PTPRN: variants seen among roughly 807,000 people sequenced by gnomAD.
PTPRN encodes the protein receptor-type tyrosine-protein phosphatase-like N.
In PTPRN, 70 loss-of-function variants were observed where a neutral mutation model predicts 108.5. The observed-to-expected ratio is 0.65, with a 90% confidence interval of 0.53 to 0.79. The LOEUF (loss-of-function observed/expected upper bound fraction) is 0.79, where lower values mean the gene tolerates loss of function less well. Among genes scored for constraint, PTPRN ranks in the 30% least tolerant of loss-of-function variants. PTPRN has a pLI of 0.00. For missense variants in PTPRN, 1,136 were observed against 1,295.5 expected (o/e 0.88, Z 1.89); for synonymous variants, 496 against 524.6 (o/e 0.95, Z 0.75).
Position 219,296,339 on chromosome 2 carries a change from A to C in PTPRN, c.2395T>G (p.Trp799Gly). The C allele has an allele frequency of 1.2e-6, 2 of 1,614,078 alleles. No homozygotes were observed. The highest frequency in any genetic ancestry group is 1.7e-6 in the Non-Finnish European group (2 of 1,180,012). ...ACGATGACGGTGCAGCCGCTCTCCC[A>C]CACCATCTAGGGACAGAGACCCAGT... The part of the protein sequence containing the change: ...HTIADFWQMV[W>G]ESGCTVIVML... Residue 799 changes from tryptophan to glycine, a missense_variant, in exon 18 of 23, where the codon TGG (tryptophan) becomes GGG (glycine). Trp to Gly is a radical substitution (Grantham distance 184, BLOSUM62 -2). Coordinates refer to ENST00000295718, the MANE Select transcript of PTPRN (RefSeq NM_002846.4). The surrounding 1 kb of genome is among the most constrained non-coding windows in gnomAD (Gnocchi z 6.0).
chr2:219,308,699 T>A (rs750687404), intron 1 of PTPRN, among the ~76,000 whole-genome samples: 3 of 151,814 alleles, frequency 2.0e-5, no homozygotes, highest in Non-Finnish European at 2.9e-5. Context: ...CCCCGTGCTG[T>A]CCCCCGTTAC....
Position 219,290,698 on chromosome 2 carries a change from G to A in PTPRN, c.2795-87C>T, listed in dbSNP as rs542437980. On this transcript the variant is annotated intron_variant, in intron 21 of 22. Transcript: ENST00000295718. This position sits in a 1 kb window ranked among gnomAD's most constrained non-coding sequence, Gnocchi z 4.2. The stretch of plus-strand genomic sequence containing the variant: ...AAACCTGAGGCCTCCTGGAGGCAAA[G>A]AGCCTTGGAGGGCTGGGCAGAGCCT... The A allele has an allele frequency of 5.7e-5, 85 of 1,483,398 alleles. No homozygotes were observed. In the African/African-American group the frequency reaches 9.5e-4, roughly 17 times the overall value. 91.9% of individuals were successfully genotyped at this position (1,483,398 alleles called of 1,614,324 possible). A position where few individuals can be genotyped will look rare whatever the true frequency, so the allele number is the denominator to read the frequency against.
At position 219,309,389 on chromosome 2, in the gene PTPRN, G is replaced by T; in HGVS notation, c.-57C>A. The T allele has an allele frequency of 1.1e-6, 1 of 948,174 alleles. No individual in the cohort carries two copies. Among genetic ancestry groups the T allele is most frequent in the Non-Finnish European group, 1.5e-6 (1 of 677,634 alleles). 58.7% of individuals were successfully genotyped at this position (948,174 alleles called of 1,614,324 possible). The stretch of plus-strand genomic sequence containing the variant: ...CGGAGCCGCAGCGACGCTGGCGGGA[G>T]CCTGCCAGAGGGGCTGAGGCGGGGC... On this transcript the variant is annotated 5_prime_UTR_variant, in exon 1 of 23. Coordinates refer to ENST00000295718, the MANE Select transcript of PTPRN (RefSeq NM_002846.4).
rs757064542 is a variant in PTPRN, at chr2:219,304,174, C to T, written c.281-343G>A. ...TAAAATAACACATATACATATCAAA[C>T]GGTTAGAATAGTGCCTGTCATGTAG... On this transcript the variant is annotated intron_variant, in intron 3 of 22. Transcript: ENST00000295718. 9 of 168,170 alleles carry T rather than the reference C, an allele frequency of 5.4e-5. No homozygotes were observed. In the East Asian group the frequency reaches 8.8e-4, roughly 16 times the overall value. The allele number at this position is 168,170 out of a possible 1,614,324, so 10.4% of individuals were successfully genotyped here.
chr2:219,294,145 C>A, intron 19 of PTPRN: 1 of 530,976 alleles, frequency 1.9e-6, no homozygotes, highest in Non-Finnish European at 3.9e-6. Context: ...TGTGACTATG[C>A]AACTGGAGTG....
intron 4 of PTPRN, 90 bp downstream of exon 4, chr2:219,303,645 C>T: frequency 7.9e-7 from 1 of 1,258,774 alleles, no homozygotes; most frequent in Non-Finnish European, 1.1e-6. Context: ...GGCCTTGGTG[C>T]CCACTTCCTT....
chr2:219,292,906 T>A (rs1952083308), intron 19 of PTPRN: 1 of 152,198 alleles, frequency 6.6e-6, no homozygotes, highest in South Asian at 2.1e-4. Flanking sequence ...GAGCTCCTTA[T>A]GAGAATCTAA....
intron 8 of PTPRN, among the ~76,000 whole-genome samples, chr2:219,300,738 T>A (rs1056571192): frequency 6.6e-6 from 1 of 152,164 alleles, no homozygotes; most frequent in Non-Finnish European, 1.5e-5. Context: ...GAGGAATGAA[T>A]TAAGAATTCA....
chr2:219,301,222 T>C (rs1388274867), intron 7 of PTPRN, among the ~76,000 whole-genome samples: 1 of 152,218 alleles, frequency 6.6e-6, no homozygotes, highest in Non-Finnish European at 1.5e-5. Context: ...CTCAAAGCTA[T>C]TCTTTGTTCA....
intron 10 of PTPRN, 147 bp from the exon 11 acceptor site, chr2:219,299,531 C>T: frequency 8.7e-7 from 1 of 1,144,926 alleles, no homozygotes; most frequent in Non-Finnish European, 1.3e-6. Context: ...AAGGAAGATG[C>T]TGGGTGGGGC....
rs371695223 is a variant in PTPRN, at chr2:219,290,271, G to A, written c.2895C>T (p.Ala965=). The A allele has an allele frequency of 3.7e-6, 6 of 1,613,806 alleles. No individual in the cohort carries two copies. The highest frequency in any genetic ancestry group is 1.6e-4 in the Middle Eastern group (1 of 6,078). The change falls in exon 23 of 23, where the codon GCC becomes GCT. Residue 965 remains alanine, a synonymous_variant. Coordinates refer to ENST00000295718, the MANE Select transcript of PTPRN (RefSeq NM_002846.4). This position sits in a 1 kb window ranked among gnomAD's most constrained non-coding sequence, Gnocchi z 4.2. ...SKDQFEFALT[A]VAEEVNAILK... ...GGATGGCATTCACTTCCTCCGCCAC[G>A]GCTGTCAGGGCAAATTCAAACTGGT...
At position 219,302,285 on chromosome 2, in the gene PTPRN, G is replaced by A; in HGVS notation, c.846C>T (p.Ala282=). The A allele has an allele frequency of 6.2e-7, 1 of 1,614,156 alleles. No individual in the cohort carries two copies. Among genetic ancestry groups the A allele is most frequent in the Non-Finnish European group, 8.5e-7 (1 of 1,180,018 alleles). The part of the protein sequence containing the change: ...LFQDSGLLYL[A]QELPAPSRAR... ...CCCTGCTGGGTGCTGGCAACTCCTG[G>A]GCCAGATAGAGCAGCCCAGAGTCTT... is the stretch of plus-strand genomic sequence containing the variant. The change falls in exon 6 of 23, where the codon GCC becomes GCT. Residue 282 remains alanine (A), a synonymous_variant. Coordinates refer to ENST00000295718, the MANE Select transcript of PTPRN (RefSeq NM_002846.4).
rs185461366 is a variant in PTPRN, at chr2:219,298,955, C to G, written c.1668+92G>C. ...GCCAGCCGTGCCTACGGACACGTTTCGGCTCCAGTTCTCCCCTCTGGTTTG... is the reference window on the plus strand; with the variant it reads ...GCCAGCCGTGCCTACGGACACGTTTGGGCTCCAGTTCTCCCCTCTGGTTTG... On this transcript the variant is annotated intron_variant, in intron 12 of 22. Coordinates refer to ENST00000295718, the MANE Select transcript of PTPRN (RefSeq NM_002846.4). 2.0e-4 allele frequency: 287 copies of G among 1,468,926 alleles called. 1 individual carries two copies. Among genetic ancestry groups the G allele is most frequent in the East Asian group, 6.1e-4 (27 of 43,940 alleles). 91.0% of individuals were successfully genotyped at this position (1,468,926 alleles called of 1,614,324 possible).
chr2:219,291,399 C>G (rs1167629439), intron 20 of PTPRN, 71 bp downstream of exon 20: 2 of 1,522,864 alleles, frequency 1.3e-6, no homozygotes, highest in East Asian at 2.3e-5. Flanking sequence ...ACCAAGGGGA[C>G]AGGCAGGCAA....
rs1366646039 is a variant in PTPRN, at chr2:219,290,379, G to A, written c.2869-82C>T. 1.9e-5 allele frequency: 24 copies of A among 1,257,080 alleles called. No homozygotes were observed. Among genetic ancestry groups the A allele is most frequent in the South Asian group, 3.7e-5 (3 of 80,150 alleles). The allele number at this position is 1,257,080 out of a possible 1,614,324, so 77.9% of individuals were successfully genotyped here. ...CAAGATGGGGGGCTTTTGGTGGGGG[G>A]AGGGCCCTGGGCAGGTCCCCTGGGA... On this transcript the variant is annotated intron_variant, in intron 22 of 22. Coordinates refer to ENST00000295718, the MANE Select transcript of PTPRN (RefSeq NM_002846.4). The surrounding 1 kb of genome is among the most constrained non-coding windows in gnomAD (Gnocchi z 4.2).
At chr2:219,306,008 G>A (rs965839487) in intron 3 of PTPRN, among the ~76,000 whole-genome samples, 10 of 152,066 alleles carry the variant, frequency 6.6e-5, no homozygotes, top group Admixed American at 6.6e-4. Context: ...AAATTAGCCA[G>A]GCATGGTGGC....
At position 219,290,239 on chromosome 2, in the gene PTPRN, G is replaced by A; in HGVS notation, c.2927C>T (p.Ala976Val). The A allele has an allele frequency of 6.2e-7, 1 of 1,614,042 alleles. No homozygotes were observed. ...VAEEVNAILK[A>V]LPQ ...GGCCCCAGGGTCTCACTGGGGCAGG[G>A]CCTTGAGGATGGCATTCACTTCCTC... The change falls in exon 23 of 23, where the codon GCC becomes GTC. Residue 976 changes from alanine (A) to valine (V), a missense_variant. Ala to Val is a moderately conservative substitution (Grantham distance 64, BLOSUM62 0). Coordinates refer to ENST00000295718, the MANE Select transcript of PTPRN (RefSeq NM_002846.4). This position sits in a 1 kb window ranked among gnomAD's most constrained non-coding sequence, Gnocchi z 4.2.
Position 219,297,483 on chromosome 2 carries a change from A to ACAGGGCCCAGAGTTGAACC in PTPRN, c.1888-51_1888-50insGGTTCAACTCTGGGCCCTG. 1.3e-6 allele frequency: 2 copies of ACAGGGCCCAGAGTTGAACC among 1,578,464 alleles called. No individual in the cohort carries two copies. The highest frequency in any genetic ancestry group is 1.7e-6 in the Non-Finnish European group (2 of 1,150,454). On this transcript the variant is annotated intron_variant, in intron 13 of 22. Coordinates refer to ENST00000295718, the MANE Select transcript of PTPRN (RefSeq NM_002846.4). This position sits in a 1 kb window ranked among gnomAD's most constrained non-coding sequence, Gnocchi z 6.0. ...TCCAAGAGTCCCCTGAAACTTTTCA[A>ACAGGGCCCAGAGTTGAACC]CAGGGCCCTGGGTTCAACTCTGGGC...
chr2:219,302,643 G>T lies in PTPRN; in HGVS notation c.572C>A (p.Pro191His). Residue 191 changes from proline to histidine, a missense_variant, in exon 5 of 23, where the codon CCC becomes CAC. By Grantham distance (77) the Pro-to-His change is moderately conservative (BLOSUM62 -2). Coordinates refer to ENST00000295718, the MANE Select transcript of PTPRN (RefSeq NM_002846.4). ...CAGTGAAGGGTGGGGAGGCTGTGGG[G>T]GCAGCAGCAGGTGCTCCAAGAGAGG... The part of the protein sequence containing the change: ...LPPLLEHLLL[P>H]PQPPHPSLSY... The T allele has an allele frequency of 1.2e-6, 2 of 1,613,858 alleles. No individual in the cohort carries two copies. The highest frequency in any genetic ancestry group is 2.2e-5 in the South Asian group (2 of 91,070).
Sources: allele counts gnomAD v4.1 joint callset (sites outside exome capture counted in the v4.1 genomes callset), GRCh38; gene constraint gnomAD v4.1.1; non-coding constraint Gnocchi (gnomAD v3.1); transcripts MANE v1.5; gene names NCBI Gene and HGNC (gene_info 2026-07-23, HGNC 2026-07-21).